COL25A1: variants seen among roughly 807,000 people sequenced by gnomAD.
The protein encoded by COL25A1 is collagen type XXV alpha 1 chain.
In COL25A1, 103 loss-of-function variants were observed where a neutral mutation model predicts 128.4. The observed-to-expected ratio is 0.80, with a 90% CI of 0.68 to 0.94. The LOEUF (loss-of-function observed/expected upper bound fraction) is 0.94. COL25A1 is among the 40% of genes least tolerant of loss of function. COL25A1 has a pLI of 0.00. For synonymous variants in COL25A1, 279 were observed against 277.2 expected, an observed-to-expected ratio of 1.01 and a Z score of -0.06; for missense variants, 745 against 840.0, an observed-to-expected ratio of 0.89 and a Z score of 1.40.
intron 3 of COL25A1, among the ~76,000 whole-genome samples, chr4:109,103,678 A>T (rs118047869): frequency 0.02 from 3,062 of 152,278 alleles, 69 homozygotes; most frequent in Middle Eastern, 0.11. Flanking sequence ...ATCTGAACTC[A>T]TGTTTAAAAT....
chr4:109,283,559 A>G (rs1723589346), intron 3 of COL25A1, among the ~76,000 whole-genome samples: 1 of 152,088 alleles, frequency 6.6e-6, no homozygotes, highest in African/African-American at 2.4e-5. Flanking sequence ...CCCATCAGCT[A>G]GCAACGTGTT....
chr4:109,042,799 T>C (rs1156199), intron 5 of COL25A1, among the ~76,000 whole-genome samples: 76,507 of 151,892 alleles, frequency 0.5, 21,375 homozygotes, highest in African/African-American at 0.73. Context: ...TACTTCCACA[T>C]GATTTGCTTC....
intron 6 of COL25A1, among the ~76,000 whole-genome samples, chr4:108,988,975 T>C (rs1406919049): frequency 6.6e-6 from 1 of 152,212 alleles, no homozygotes; most frequent in Non-Finnish European, 1.5e-5. Flanking sequence ...TGTCAGCTAC[T>C]ACTTGTCCAC....
chr4:108,928,526 G>A (rs987715787), intron 11 of COL25A1, among the ~76,000 whole-genome samples: 2 of 151,722 alleles, frequency 1.3e-5, no homozygotes, highest in Non-Finnish European at 2.9e-5. Flanking sequence ...ATTTATTTAT[G>A]TATTTATTTA....
At chr4:108,889,370 C>A in intron 17 of COL25A1, 114 bp from the exon 18 acceptor site, 2 of 874,182 alleles carry the variant, frequency 2.3e-6, no homozygotes, top group Non-Finnish European at 3.7e-6. Context: ...AACCACATGT[C>A]TTTTATTTCC....
intron 19 of COL25A1, among the ~76,000 whole-genome samples, chr4:108,883,257 G>C (rs1033803473): frequency 6.6e-6 from 1 of 151,924 alleles, no homozygotes; most frequent in African/African-American, 2.4e-5. Flanking sequence ...TCGAACTCCT[G>C]ACCCAAATAA....
At chr4:109,030,879 A>T (rs977414939) in intron 5 of COL25A1, among the ~76,000 whole-genome samples, 1 of 151,988 alleles carries the variant, frequency 6.6e-6, no homozygotes, top group African/African-American at 2.4e-5. Flanking sequence ...CAGCCTCCCG[A>T]GTAGCTGGGT....
intron 3 of COL25A1, among the ~76,000 whole-genome samples, chr4:109,271,735 A>G (rs1782211098): frequency 6.6e-6 from 1 of 152,222 alleles, no homozygotes. Context: ...TTTCATACCA[A>G]TGATTTCCTT....
chr4:109,188,676 AAGATTG>A (rs1264771460), intron 3 of COL25A1, among the ~76,000 whole-genome samples: 1 of 152,148 alleles, frequency 6.6e-6, no homozygotes, highest in African/African-American at 2.4e-5. Context: ...CTCTTATCTC[AAGATTG>A]AGTAAAGAAA....
intron 3 of COL25A1, among the ~76,000 whole-genome samples, chr4:109,240,013 CA>C (rs1471141131): frequency 6.6e-6 from 1 of 152,054 alleles, no homozygotes; most frequent in Non-Finnish European, 1.5e-5. Context: ...GGAAGGTCTT[CA>C]GGGGCAATGA....
chr4:109,171,432 C>A (rs1274913165), intron 3 of COL25A1, among the ~76,000 whole-genome samples: 3 of 152,080 alleles, frequency 2.0e-5, no homozygotes, highest in Admixed American at 6.6e-5. Context: ...GGGAATAGCA[C>A]CCTTATAAGA....
At chr4:108,857,579 AAC>A (rs1491511247) in intron 24 of COL25A1, among the ~76,000 whole-genome samples, 6 of 148,736 alleles carry the variant, frequency 4.0e-5, no homozygotes, top group Admixed American at 2.0e-4. Flanking sequence ...AAAAAAAAAA[AAC>A]GACTTAGTGC....
At chr4:108,944,797 C>T (rs1560909467) in intron 8 of COL25A1, among the ~76,000 whole-genome samples, 3 of 152,112 alleles carry the variant, frequency 2.0e-5, no homozygotes, top group African/African-American at 7.2e-5. Flanking sequence ...TCAGAAAGAC[C>T]TTTTTCCTCA....
intron 13 of COL25A1, among the ~76,000 whole-genome samples, chr4:108,915,249 AC>A (rs1744732335): frequency 6.6e-6 from 1 of 152,216 alleles, no homozygotes; most frequent in Non-Finnish European, 1.5e-5. Flanking sequence ...TGTAGGAAAA[AC>A]GTCACACCAA....
intron 3 of COL25A1, among the ~76,000 whole-genome samples, chr4:109,062,567 C>G (rs555455121): frequency 1.9e-5 from 2 of 104,560 alleles, no homozygotes; most frequent in African/African-American, 6.1e-5. Flanking sequence ...AAAATAAATT[C>G]TGTACACAAA....
At chr4:109,254,784 C>T (rs967056235) in intron 3 of COL25A1, among the ~76,000 whole-genome samples, 2 of 151,942 alleles carry the variant, frequency 1.3e-5, no homozygotes, top group Non-Finnish European at 2.9e-5. Context: ...ACACACTGCC[C>T]AGCAAAGAGA....
At chr4:108,822,235 G>T (rs1250087854) in intron 35 of COL25A1, among the ~76,000 whole-genome samples, 22 of 151,512 alleles carry the variant, frequency 1.5e-4, no homozygotes, top group African/African-American at 3.9e-4. Context: ...GTAGAGATGG[G>T]GTTTCGTCAT....
At chr4:108,858,337 A>T (rs1260891546) in intron 24 of COL25A1, among the ~76,000 whole-genome samples, 1 of 151,874 alleles carries the variant, frequency 6.6e-6, no homozygotes, top group Non-Finnish European at 1.5e-5. Context: ...CTGTTGCTGT[A>T]TTAGGCATGA....
At chr4:108,840,242 C>CA (rs34039825) in intron 31 of COL25A1, among the ~76,000 whole-genome samples, 47,095 of 95,104 alleles carry the variant, frequency 0.5, 11,597 homozygotes, top group East Asian at 0.68. Context: ...AACGCCATCT[C>CA]AAAAAAAAAA....
Sources: gnomAD v4.1 joint callset for allele counts (sites outside exome capture counted in the v4.1 genomes callset) on GRCh38, gnomAD v4.1.1 for gene constraint, MANE v1.5 for transcripts, NCBI Gene and HGNC (gene_info 2026-07-23, HGNC 2026-07-21) for gene names.